Variants in TRIM55 observed in about 807,000 individuals in gnomAD.
The protein encoded by TRIM55 is tripartite motif-containing protein 55.
TRIM55 carries 50 observed loss-of-function variants against 60.9 expected under a neutral mutation model. The ratio of observed to expected loss-of-function variants is 0.82; its 90% CI spans 0.65 to 1.04. TRIM55 has a LOEUF of 1.04. Among genes scored for constraint, TRIM55 ranks in the 50% least tolerant of loss-of-function variants. The pLI, the probability that TRIM55 is intolerant of heterozygous loss-of-function variation, is 0.00. For missense variants in TRIM55, 681 were observed against 666.9 expected (o/e 1.02, Z -0.23); for synonymous variants, 237 against 238.1 (o/e 1.00, Z 0.04).
chr8:66,133,498 G>A (rs913557242), intron 2 of TRIM55, among the ~76,000 whole-genome samples: 7 of 152,140 alleles, frequency 4.6e-5, no homozygotes, highest in African/African-American at 1.7e-4. Context: ...TCTCAATTGT[G>A]GAGTTGACTT....
chr8:66,114,071 G>T, the TRIM55 span, among the ~76,000 whole-genome samples: 77 of 115,974 alleles, frequency 6.6e-4, 1 homozygote, highest in Admixed American at 1.2e-3. Flanking sequence ...ATTCCGGCTC[G>T]AAGGAGAGAC....
At chr8:66,134,466 A>G (rs1006538849) in intron 2 of TRIM55, among the ~76,000 whole-genome samples, 12 of 152,052 alleles carry the variant, frequency 7.9e-5, no homozygotes, top group Admixed American at 6.5e-4. Context: ...CTGGGGCCAG[A>G]GGCTGGAGGG....
At position 66,149,846 on chromosome 8, in the gene TRIM55, A is replaced by G. The variant is rs1810310678; in HGVS notation, c.805A>G (p.Met269Val). The G allele has an allele frequency of 6.2e-7, 1 of 1,614,156 alleles. No individual in the cohort carries two copies. The highest frequency in any genetic ancestry group is 8.5e-7 in the Non-Finnish European group (1 of 1,179,972). ...GTTGGTTGAGTCAGGAATTCAGTTT[A>G]TGGATGAGCCAGAAATGGCAGTGTT... The part of the protein sequence containing the change: ...SKLVESGIQF[M>V]DEPEMAVFLQ... The change falls in exon 5 of 10, where the codon ATG becomes GTG. Residue 269 changes from methionine (M) to valine (V), a missense_variant. Coordinates refer to ENST00000315962, the MANE Select transcript of TRIM55 (RefSeq NM_184085.2).
intron 4 of TRIM55, among the ~76,000 whole-genome samples, chr8:66,139,474 G>A (rs550868467): frequency 7.0e-4 from 105 of 150,648 alleles, no homozygotes; most frequent in African/African-American, 2.4e-3. Context: ...CATAGAAGCC[G>A]ATCAGGGGCA....
At chr8:66,141,096 C>T (rs1809787637) in intron 4 of TRIM55, among the ~76,000 whole-genome samples, 1 of 152,176 alleles carries the variant, frequency 6.6e-6, no homozygotes, top group African/African-American at 2.4e-5. Context: ...CCTGGGGAGG[C>T]ACCTGTCCCA....
chr8:66,114,230 A>G, the TRIM55 span, among the ~76,000 whole-genome samples: 2 of 152,130 alleles, frequency 1.3e-5, no homozygotes, highest in Non-Finnish European at 2.9e-5. Context: ...TTAGCATGCG[A>G]GAGGTAGCGG....
chr8:66,124,315 T>C (rs1361912422), upstream of TRIM55, among the ~76,000 whole-genome samples: 1 of 152,196 alleles, frequency 6.6e-6, no homozygotes, highest in Non-Finnish European at 1.5e-5. Flanking sequence ...GTGAGAAACT[T>C]TTAACGACTT....
intron 7 of TRIM55, 177 bp from the exon 8 acceptor site, chr8:66,152,200 C>A: frequency 1.3e-6 from 1 of 785,364 alleles, no homozygotes; most frequent in Non-Finnish European, 2.0e-6. Context: ...TTTGTCCAGT[C>A]CACATTCCAC....
chr8:66,131,215 T>C (rs1809137891), intron 2 of TRIM55, among the ~76,000 whole-genome samples: 2 of 152,162 alleles, frequency 1.3e-5, no homozygotes. Flanking sequence ...TAATTACTGC[T>C]ACCCTATTAA....
At chr8:66,133,008 A>C (rs1586175296) in intron 2 of TRIM55, among the ~76,000 whole-genome samples, 3 of 152,358 alleles carry the variant, frequency 2.0e-5, no homozygotes, top group South Asian at 4.1e-4. Flanking sequence ...TCAGAACAGC[A>C]TGTGGGACCC....
the TRIM55 span, among the ~76,000 whole-genome samples, chr8:66,113,777 C>T: frequency 6.6e-6 from 1 of 152,162 alleles, no homozygotes; most frequent in Non-Finnish European, 1.5e-5. Context: ...GGGGGCCAGG[C>T]GGGGACCTTC....
chr8:66,154,575 C>T (rs981259677), intron 9 of TRIM55, among the ~76,000 whole-genome samples: 1 of 152,226 alleles, frequency 6.6e-6, no homozygotes, highest in Non-Finnish European at 1.5e-5. Flanking sequence ...CACCTGGCTT[C>T]CCAGGGGAGG....
chr8:66,154,049 G>C lies in TRIM55; in HGVS notation c.1239G>C (p.Gly413=). The change falls in exon 9 of 10, where the codon GGG becomes GGC. Residue 413 remains glycine (G), a splice_region_variant and synonymous_variant. Coordinates refer to ENST00000315962, the MANE Select transcript of TRIM55 (RefSeq NM_184085.2). The part of the protein sequence containing the change: ...PPAADAPVTQ[G]EVVPTGSEQT... ...TGAATTTATCTGTCCTGATTAAGGG[G>C]GAGGTTGTACCCACTGGCTCTGAGC... 6.2e-7 allele frequency: 1 copy of C among 1,611,344 alleles called. No homozygotes were observed. Among genetic ancestry groups the C allele is most frequent in the Non-Finnish European group, 8.5e-7 (1 of 1,178,616 alleles).
At chr8:66,128,498 A>G (rs374673784) in intron 2 of TRIM55, 22 bp downstream of exon 2, 40 of 1,607,516 alleles carry the variant, frequency 2.5e-5, no homozygotes, top group Admixed American at 1.7e-4. Context: ...CCACTCTTCC[A>G]TGTGTCAAGC....
upstream of TRIM55, among the ~76,000 whole-genome samples, chr8:66,125,731 A>AAT (rs1244634293): frequency 6.6e-6 from 1 of 152,172 alleles, no homozygotes; most frequent in Non-Finnish European, 1.5e-5. Flanking sequence ...TATGCTTATG[A>AAT]ATATATATAA....
intron 9 of TRIM55, among the ~76,000 whole-genome samples, chr8:66,171,330 T>C (rs770131008): frequency 6.6e-6 from 1 of 151,264 alleles, no homozygotes; most frequent in Non-Finnish European, 1.5e-5. Context: ...CACTGATAAG[T>C]GAGAACATGT....
At chr8:66,158,308 G>C (rs1014468760) in intron 9 of TRIM55, among the ~76,000 whole-genome samples, 4 of 152,068 alleles carry the variant, frequency 2.6e-5, no homozygotes, top group Non-Finnish European at 4.4e-5. Flanking sequence ...AGAACACAAA[G>C]TTGCAGTGAT....
Position 66,127,377 on chromosome 8 carries a change from G to A in TRIM55, c.109G>A (p.Val37Met). The change falls in exon 1 of 10, where the codon GTG becomes ATG. Residue 37 changes from valine (V) to methionine (M), a missense_variant. Val to Met is a conservative substitution (Grantham distance 21). Transcript: ENST00000315962. ...CTGCTTAGAGATGTTCACGAAACCTGTGGTGATTCTCCCTTGTCAGCACAA... is the reference window on the plus strand; with the variant it reads ...CTGCTTAGAGATGTTCACGAAACCTATGGTGATTCTCCCTTGTCAGCACAA... ...PICLEMFTKP[V>M]VILPCQHNLC... is the part of the protein sequence containing the mutation. The A allele has an allele frequency of 6.2e-7, 1 of 1,614,202 alleles. No individual in the cohort carries two copies. The highest frequency in any genetic ancestry group is 8.5e-7 in the Non-Finnish European group (1 of 1,180,048).
At chr8:66,116,251 T>C in the TRIM55 span, among the ~76,000 whole-genome samples, 1 of 152,258 alleles carries the variant, frequency 6.6e-6, no homozygotes, top group East Asian at 1.9e-4. Flanking sequence ...ATGTTAATAA[T>C]CAAATTCTAA....
Sources: gnomAD v4.1 joint callset for allele counts (sites outside exome capture counted in the v4.1 genomes callset) on GRCh38, gnomAD v4.1.1 for gene constraint, MANE v1.5 for transcripts, NCBI Gene and HGNC (gene_info 2026-07-23, HGNC 2026-07-21) for gene names.